Variants in TNIP1 observed in about 807,000 individuals in gnomAD.
TNIP1 encodes TNFAIP3-interacting protein 1.
Under a neutral mutation model 86.6 loss-of-function variants are expected in TNIP1, and 22 were observed. The ratio of observed to expected loss-of-function variants is 0.25; its 90% confidence interval spans 0.18 to 0.36. The LOEUF is 0.36. Ranked by LOEUF, TNIP1 falls within the 10% of genes least tolerant of loss-of-function variation. The pLI, the probability that TNIP1 is intolerant of heterozygous loss-of-function variation, is 1.00. For synonymous variants in TNIP1, 294 were observed against 313.0 expected (o/e 0.94, Z 0.64); for missense variants, 709 against 820.6 (o/e 0.86, Z 1.66).
At chr5:151,084,704 G>A (rs898467168), upstream of TNIP1, among the ~76,000 whole-genome samples, 6 of 152,282 alleles carry the variant, frequency 3.9e-5, no homozygotes, top group East Asian at 1.9e-4. Flanking sequence ...TCAGGGCCTT[G>A]GCTAGGGGAG....
chr5:151,069,027 G>T (rs1201929552), intron 1 of TNIP1, among the ~76,000 whole-genome samples: 1 of 152,198 alleles, frequency 6.6e-6, no homozygotes, highest in Non-Finnish European at 1.5e-5. Flanking sequence ...AACCAGAAAG[G>T]CCCAGTTTGG....
At chr5:151,072,005 A>G (rs754999526) in intron 1 of TNIP1, among the ~76,000 whole-genome samples, 18 of 152,216 alleles carry the variant, frequency 1.2e-4, no homozygotes, top group Non-Finnish European at 2.4e-4. Context: ...CTTGCCACAC[A>G]GATATGGAAA....
At chr5:151,031,531 T>A (rs1160771285) in intron 17 of TNIP1, among the ~76,000 whole-genome samples, 1 of 152,158 alleles carries the variant, frequency 6.6e-6, no homozygotes, top group Admixed American at 6.5e-5. Context: ...GACACCATGG[T>A]CAGGGGAGCT....
At chr5:151,043,829 C>A (rs1264132128) in intron 9 of TNIP1, among the ~76,000 whole-genome samples, 1 of 151,680 alleles carries the variant, frequency 6.6e-6, no homozygotes, top group African/African-American at 2.4e-5. Context: ...ACCTAACACA[C>A]TTCCTCAGTT....
At chr5:151,086,609 T>C (rs1000210003) in intron 1 of TNIP1, among the ~76,000 whole-genome samples, 13 of 151,956 alleles carry the variant, frequency 8.6e-5, no homozygotes, top group African/African-American at 3.1e-4. Flanking sequence ...ATACACACAG[T>C]CACCAACTTA....
chr5:151,057,964 C>A (rs1008783438), intron 5 of TNIP1, among the ~76,000 whole-genome samples: 1 of 152,160 alleles, frequency 6.6e-6, no homozygotes, highest in South Asian at 2.1e-4. Context: ...ACCACTCTCC[C>A]ATGTTTACCA....
chr5:151,044,132 C>A (rs542330210), intron 9 of TNIP1, among the ~76,000 whole-genome samples: 1 of 151,958 alleles, frequency 6.6e-6, no homozygotes, highest in Non-Finnish European at 1.5e-5. Flanking sequence ...CTCACTGCAG[C>A]CTCCTGAGCT....
Position 151,042,559 on chromosome 5 carries a change from G to C in TNIP1, c.1115C>G (p.Ser372Cys), listed in dbSNP as rs1461618516. The change falls in exon 11 of 18, where the codon TCC becomes TGC. Residue 372 changes from serine to cysteine, a missense_variant. By Grantham distance (112) the Ser-to-Cys change is moderately radical. Transcript: ENST00000521591. ...ACTTGCCTCCTCCATTTCAATCTTG[G>C]ACTTGGCCAGGAGGAGCTTGCGGTC... ...DFDRKLLLAK[S>C]KIEMEETDKE... 3 of 1,613,208 alleles carry C rather than the reference G, an allele frequency of 1.9e-6. No homozygotes were observed. Among genetic ancestry groups the C allele is most frequent in the Non-Finnish European group, 2.5e-6 (3 of 1,180,002 alleles).
At position 151,060,344 on chromosome 5, in the gene TNIP1, CTGG is replaced by C. The variant is rs758967586; in HGVS notation, c.406_408del (p.Pro136del). On this transcript the variant is annotated inframe_deletion, in exon 5 of 18. Transcript: ENST00000521591. ...ATCGCATTGGCATGGCTGCTGCTCT[CTGG>C]TGAATTCTGCTCCTCAGGAGTGACC... 1.5e-5 allele frequency: 25 copies of C among 1,614,056 alleles called. No homozygotes were observed. Among genetic ancestry groups the C allele is most frequent in the Non-Finnish European group, 2.1e-5 (25 of 1,180,030 alleles).
chr5:151,058,478 G>A (rs535178384), intron 5 of TNIP1, among the ~76,000 whole-genome samples: 31 of 152,264 alleles, frequency 2.0e-4, no homozygotes, highest in South Asian at 1.7e-3. Context: ...TACTGCAGAC[G>A]GCACTGGGCC....
intron 8 of TNIP1, 195 bp from the exon 9 acceptor site, chr5:151,046,145 C>T: frequency 1.7e-6 from 1 of 577,042 alleles, no homozygotes; most frequent in South Asian, 2.0e-5. Context: ...ATGATGATTC[C>T]CCCTCCCTGA....
At position 151,056,769 on chromosome 5, in the gene TNIP1, C is replaced by T; in HGVS notation, c.624G>A (p.Leu208=). Residue 208 remains leucine, a synonymous_variant, in exon 6 of 18, where the codon CTG becomes CTA. Coordinates refer to ENST00000521591, the MANE Select transcript of TNIP1 (RefSeq NM_006058.5). ...VHKNEQRTSI[L]QTLCEQLRKE... ...CTGCCCTCCCCACGCGCCTCACCTGCAGAATGGAGGTGCGCTGCTCATTCT... is the reference window on the plus strand; with the variant it reads ...CTGCCCTCCCCACGCGCCTCACCTGTAGAATGGAGGTGCGCTGCTCATTCT... 6.7e-7 allele frequency: 1 copy of T among 1,503,116 alleles called. No individual in the cohort carries two copies. Among genetic ancestry groups the T allele is most frequent in the Non-Finnish European group, 8.9e-7 (1 of 1,118,118 alleles). The allele number at this position is 1,503,116 out of a possible 1,614,324, so 93.1% of individuals were successfully genotyped here. A position where few individuals can be genotyped will look rare whatever the true frequency, so the allele number is the denominator to read the frequency against.
chr5:151,064,462 G>A (rs990861125), intron 2 of TNIP1, among the ~76,000 whole-genome samples: 9 of 152,212 alleles, frequency 5.9e-5, no homozygotes, highest in African/African-American at 1.2e-4. Context: ...CCCGTCGGTC[G>A]TGTGGAGGGA....
chr5:151,054,472 G>A (rs1760384101), intron 6 of TNIP1, among the ~76,000 whole-genome samples: 1 of 152,120 alleles, frequency 6.6e-6, no homozygotes, highest in Non-Finnish European at 1.5e-5. Context: ...CTTGAGCCCA[G>A]GAGTTCAACA....
At chr5:151,087,150 C>G (rs1764308714) in exon 1 of TNIP1, 1 of 152,782 alleles carries the variant, frequency 6.5e-6, no homozygotes, top group African/African-American at 2.4e-5. Context: ...GAAGGCTCCT[C>G]GGCTCACTGT....
chr5:151,048,010 C>T (rs936079219), intron 8 of TNIP1, among the ~76,000 whole-genome samples: 3 of 152,028 alleles, frequency 2.0e-5, no homozygotes, highest in African/African-American at 7.2e-5. Context: ...CAGAGCTTGC[C>T]CCCTACAGGC....
chr5:151,073,218 T>C (rs1314352500), intron 1 of TNIP1, among the ~76,000 whole-genome samples: 3 of 122,152 alleles, frequency 2.5e-5, no homozygotes, highest in Non-Finnish European at 5.2e-5. Flanking sequence ...TGGGACTCCA[T>C]CTCAAAAGAA....
chr5:151,034,518 T>C (rs1054923023), intron 15 of TNIP1: 7 of 225,368 alleles, frequency 3.1e-5, no homozygotes, highest in Non-Finnish European at 5.6e-5. Context: ...GCTGGGTAAA[T>C]GGACACAGAA....
chr5:151,035,052 C>T lies in TNIP1; in HGVS notation c.1537G>A (p.Asp513Asn). Residue 513 changes from aspartate (D) to asparagine (N), a missense_variant, in exon 15 of 18, where the codon GAT (aspartate) becomes AAT (asparagine). Transcript: ENST00000521591. ...LSNAQLKAFKDEEKAREALRQ... is the reference protein window; with the variant it reads ...LSNAQLKAFKNEEKAREALRQ... ...AGGGCTTCTCTTGCCTTCTCCTCAT[C>T]TTTGAATGCTTTTAGCTGAGAGAAG... The T allele has an allele frequency of 6.2e-7, 1 of 1,613,958 alleles. No homozygotes were observed.
Sources: gnomAD v4.1 joint callset for allele counts (sites outside exome capture counted in the v4.1 genomes callset) on GRCh38, gnomAD v4.1.1 for gene constraint, MANE v1.5 for transcripts, NCBI Gene and HGNC (gene_info 2026-07-23, HGNC 2026-07-21) for gene names.